The following USH2A variants were observed in gnomAD, a reference collection of about 807,000 sequenced individuals.
USH2A encodes the protein Usher syndrome 2A (autosomal recessive, mild).
Under a neutral mutation model 538.9 loss-of-function variants are expected in USH2A, and 443 were observed. The observed-to-expected ratio is 0.82, with a 90% CI of 0.76 to 0.89. The LOEUF is 0.89. Among genes scored for constraint, USH2A ranks in the 40% least tolerant of loss-of-function variants. USH2A has a pLI of 0.00. For missense variants in USH2A, 6,633 were observed against 6,324.8 expected, an observed-to-expected ratio of 1.05 and a Z score of -1.65; for synonymous variants, 2,413 against 2,273.5, an observed-to-expected ratio of 1.06 and a Z score of -1.75.
chr1:215,773,524 C>CTCTCTCTGTCTT (rs1558091707), intron 55 of USH2A, among the ~76,000 whole-genome samples: 110 of 148,936 alleles, frequency 7.4e-4, no homozygotes, highest in African/African-American at 2.6e-3. Context: ...CTCTCTCTCT[C>CTCTCTCTGTCTT]TCTCTCTCTG....
intron 61 of USH2A, among the ~76,000 whole-genome samples, chr1:215,695,729 A>G (rs4411108): frequency 0.17 from 24,435 of 146,510 alleles, 2,182 homozygotes; most frequent in South Asian, 0.33. Context: ...TACATATCAC[A>G]TAACTTTCTG....
chr1:216,005,470 T>A lies in USH2A; in HGVS notation c.6326-4908A>T, dbSNP rs1385684621. Among the ~76,000 whole-genome samples, 5 of 152,186 alleles carry A rather than the reference T, an allele frequency of 3.3e-5. 1 individual carries two copies. In the East Asian group the frequency reaches 7.7e-4, roughly 23 times the overall value. On this transcript the variant is annotated intron_variant, in intron 32 of 71. Coordinates refer to ENST00000307340, the MANE Select transcript of USH2A (RefSeq NM_206933.4). ...ATTTTTTATCATGTTCAGCAGGATA[T>A]CTCCAGGAATGGTGTGATGACTAAC...
chr1:216,252,592 T>C (rs918829468), intron 11 of USH2A, among the ~76,000 whole-genome samples: 2 of 152,224 alleles, frequency 1.3e-5, no homozygotes, highest in African/African-American at 4.8e-5. Flanking sequence ...TTAAGGATAA[T>C]TAAGACAATT....
chr1:215,696,315 T>C (rs1571966062), intron 61 of USH2A, among the ~76,000 whole-genome samples: 1 of 152,110 alleles, frequency 6.6e-6, no homozygotes, highest in East Asian at 1.9e-4. Context: ...CTTGCTGTCT[T>C]AGGAGTGGCA....
intron 70 of USH2A, among the ~76,000 whole-genome samples, 160 bp from the exon 71 acceptor site, chr1:215,629,195 C>G (rs1656176072): frequency 6.6e-6 from 1 of 152,156 alleles, no homozygotes. Context: ...CAGAATTTAG[C>G]AGCTATGAGC....
At chr1:216,399,521 A>G (rs2039272270) in intron 3 of USH2A, among the ~76,000 whole-genome samples, 1 of 152,124 alleles carries the variant, frequency 6.6e-6, no homozygotes, top group Non-Finnish European at 1.5e-5. Flanking sequence ...TCTGGAGAGA[A>G]GCAGAACCTT....
intron 43 of USH2A, among the ~76,000 whole-genome samples, chr1:215,867,555 G>C (rs1664507102): frequency 6.6e-6 from 1 of 152,224 alleles, no homozygotes; most frequent in Non-Finnish European, 1.5e-5. Context: ...ATTTGATCCA[G>C]AGAGTTTTAT....
chr1:216,284,788 C>A (rs1226986011), intron 11 of USH2A, among the ~76,000 whole-genome samples: 1 of 152,106 alleles, frequency 6.6e-6, no homozygotes, highest in Non-Finnish European at 1.5e-5. Context: ...ATGGCTTTGA[C>A]CAAAATGCTG....
intron 64 of USH2A, among the ~76,000 whole-genome samples, chr1:215,668,883 AC>A (rs1167639168): frequency 2.0e-5 from 3 of 152,144 alleles, no homozygotes; most frequent in South Asian, 2.1e-4. Context: ...ATACAAAAAA[AC>A]ATTAGCCTGG....
intron 67 of USH2A, 110 bp from the exon 68 acceptor site, chr1:215,640,844 CAAAAAAA>C (rs56212994): frequency 4.4e-5 from 22 of 496,750 alleles, no homozygotes; most frequent in South Asian, 1.3e-4. Flanking sequence ...CCAATCCAAA[CAAAAAAA>C]AAAAAAAAAA....
intron 20 of USH2A, among the ~76,000 whole-genome samples, chr1:216,176,819 C>T (rs904935924): frequency 2.6e-5 from 4 of 152,122 alleles, no homozygotes; most frequent in African/African-American, 7.2e-5. Context: ...TGTAGACTGA[C>T]CTTTCACTGA....
chr1:215,896,045 T>G (rs1320453832), intron 40 of USH2A, among the ~76,000 whole-genome samples: 1 of 152,210 alleles, frequency 6.6e-6, no homozygotes, highest in Non-Finnish European at 1.5e-5. Context: ...TGGTTCATCA[T>G]CAACTGAAAT....
chr1:216,177,426 G>A (rs78317310), intron 20 of USH2A, among the ~76,000 whole-genome samples: 3,855 of 152,218 alleles, frequency 0.025, 73 homozygotes, highest in Non-Finnish European at 0.036. Context: ...CTAAATGAAA[G>A]CAAACAAGCA....
chr1:216,224,561 G>A (rs945163446), intron 14 of USH2A, among the ~76,000 whole-genome samples: 4 of 152,100 alleles, frequency 2.6e-5, no homozygotes, highest in African/African-American at 9.7e-5. Flanking sequence ...CCACTTAGAT[G>A]GAAACAGGCA....
chr1:215,824,894 C>T (rs527515318), intron 47 of USH2A, among the ~76,000 whole-genome samples: 21 of 152,198 alleles, frequency 1.4e-4, no homozygotes, highest in African/African-American at 4.8e-4. Context: ...ATTTTCTTAC[C>T]ATCTGCTCGG....
intron 3 of USH2A, among the ~76,000 whole-genome samples, chr1:216,391,912 AG>A (rs753034386): frequency 2.0e-5 from 3 of 152,126 alleles, no homozygotes; most frequent in Non-Finnish European, 4.4e-5. Context: ...ACATGTGTTG[AG>A]TTCCAAACTG....
At chr1:216,239,105 A>G (rs915750206) in intron 13 of USH2A, among the ~76,000 whole-genome samples, 1 of 44,322 alleles carries the variant, frequency 2.3e-5, no homozygotes, top group Non-Finnish European at 7.3e-5. Context: ...TAAAACCAGG[A>G]AAAAAAAAAA....
At chr1:215,778,486 G>C (rs1437377654) in intron 55 of USH2A, among the ~76,000 whole-genome samples, 1 of 152,142 alleles carries the variant, frequency 6.6e-6, no homozygotes, top group East Asian at 1.9e-4. Flanking sequence ...GTCAATGAAT[G>C]CTTGCTTATG....
intron 58 of USH2A, among the ~76,000 whole-genome samples, chr1:215,743,726 A>G (rs931059557): frequency 6.6e-6 from 1 of 150,988 alleles, no homozygotes; most frequent in Admixed American, 6.6e-5. Flanking sequence ...AGGCTGAGGC[A>G]GGAGAATCGC....
Sources: gnomAD v4.1 joint callset for allele counts (sites outside exome capture counted in the v4.1 genomes callset) on GRCh38, gnomAD v4.1.1 for gene constraint, MANE v1.5 for transcripts, NCBI Gene and HGNC (gene_info 2026-07-23, HGNC 2026-07-21) for gene names.